The following L3MBTL4 variants were observed in gnomAD, a reference collection of about 807,000 sequenced individuals.
The protein encoded by L3MBTL4 is lethal(3)malignant brain tumor-like protein 4.
Under a neutral mutation model 84.5 loss-of-function variants are expected in L3MBTL4, and 70 were observed. The observed-to-expected ratio is 0.83, with a 90% CI of 0.68 to 1.01. The LOEUF is 1.01. Among genes scored for constraint, L3MBTL4 ranks in the 50% least tolerant of loss-of-function variants. The probability of loss-of-function intolerance (pLI) is 0.00; values close to 1 mark genes in which losing one functional copy is unlikely to be tolerated. For missense variants in L3MBTL4, 715 were observed against 754.8 expected (o/e 0.95, Z 0.62); for synonymous variants, 274 against 259.8 (o/e 1.05, Z -0.52).
chr18:6,188,992 T>A (rs1016307409), intron 12 of L3MBTL4, among the ~76,000 whole-genome samples: 2 of 152,188 alleles, frequency 1.3e-5, no homozygotes, highest in Non-Finnish European at 2.9e-5. Context: ...TACCACAAAC[T>A]TGGTGTCTTC....
At chr18:6,099,950 T>C (rs1179451033) in intron 14 of L3MBTL4, among the ~76,000 whole-genome samples, 1 of 152,148 alleles carries the variant, frequency 6.6e-6, no homozygotes, top group African/African-American at 2.4e-5. Flanking sequence ...ACACAGCTTG[T>C]GAAATCCTGG....
chr18:6,389,406 A>T, intron 1 of L3MBTL4, among the ~76,000 whole-genome samples: 1 of 152,226 alleles, frequency 6.6e-6, no homozygotes, highest in African/African-American at 2.4e-5. Context: ...CAAAGTAGCT[A>T]TGTAATAATT....
chr18:6,141,959 G>A (rs1027112405), intron 13 of L3MBTL4, among the ~76,000 whole-genome samples: 1 of 152,110 alleles, frequency 6.6e-6, no homozygotes, highest in African/African-American at 2.4e-5. Flanking sequence ...CATCCATGCT[G>A]GCCTTCTCCT....
intron 1 of L3MBTL4, among the ~76,000 whole-genome samples, chr18:6,337,531 A>G (rs192285067): frequency 2.0e-5 from 3 of 152,240 alleles, no homozygotes; most frequent in Admixed American, 2.0e-4. Context: ...CTATTTATAT[A>G]AAGTTCAATA....
chr18:6,192,021 A>C (rs1373259108), intron 12 of L3MBTL4, among the ~76,000 whole-genome samples: 1 of 151,728 alleles, frequency 6.6e-6, no homozygotes, highest in African/African-American at 2.4e-5. Flanking sequence ...AAAAAAAGAA[A>C]GAAAGAAAGA....
chr18:5,968,697 T>TAAATAAAATAAAATAAAATAAAATA (rs34548706), intron 17 of L3MBTL4, among the ~76,000 whole-genome samples: 3 of 142,068 alleles, frequency 2.1e-5, no homozygotes, highest in Non-Finnish European at 3.1e-5. Flanking sequence ...ACCTTGTCTC[T>TAAATAAAATAAAATAAAATAAAATA]AAATAAAATA....
At chr18:6,187,023 C>T (rs1288494902) in intron 12 of L3MBTL4, among the ~76,000 whole-genome samples, 4 of 152,166 alleles carry the variant, frequency 2.6e-5, no homozygotes, top group Non-Finnish European at 5.9e-5. Context: ...GGTGGAGGGA[C>T]AGGACGATGC....
chr18:6,006,622 T>A (rs1202859112), intron 16 of L3MBTL4, among the ~76,000 whole-genome samples: 2 of 152,164 alleles, frequency 1.3e-5, no homozygotes, highest in Non-Finnish European at 2.9e-5. Context: ...GGCCAGATGT[T>A]TTATAGGCTC....
At chr18:6,311,686 G>A in intron 2 of L3MBTL4, 30 bp from the exon 3 acceptor site, 1 of 1,318,968 alleles carries the variant, frequency 7.6e-7, no homozygotes, top group Admixed American at 1.7e-5. Flanking sequence ...AAGAAGTTGG[G>A]GATGGGGGTG....
At chr18:6,199,963 G>A (rs1183777260) in intron 12 of L3MBTL4, among the ~76,000 whole-genome samples, 1 of 152,212 alleles carries the variant, frequency 6.6e-6, no homozygotes, top group Non-Finnish European at 1.5e-5. Flanking sequence ...CTGTCAGGCA[G>A]GACAGGCAGG....
At chr18:6,337,836 T>A (rs1202236539) in intron 1 of L3MBTL4, among the ~76,000 whole-genome samples, 1 of 152,012 alleles carries the variant, frequency 6.6e-6, no homozygotes, top group East Asian at 1.9e-4. Context: ...AATCTAACCA[T>A]ATGCTAATAA....
chr18:6,113,576 C>T (rs1215531058), intron 14 of L3MBTL4, among the ~76,000 whole-genome samples: 1 of 151,968 alleles, frequency 6.6e-6, no homozygotes. Context: ...GACAGTGGCT[C>T]CTGTAGGCTC....
In L3MBTL4 at chr18:6,080,964, C is replaced by G. The variant is rs559955774; in HGVS notation, c.1374-13G>C. The G allele has an allele frequency of 1.3e-5, 20 of 1,585,126 alleles. No individual in the cohort carries two copies. The highest frequency in any genetic ancestry group is 8.7e-5 in the Admixed American group (5 of 57,596). ...CTGCTGTACAAGTCTGGGCAAAGAACAGAAATAAAATCTAGATTCATTATC... is the reference window on the plus strand; with the variant it reads ...CTGCTGTACAAGTCTGGGCAAAGAAGAGAAATAAAATCTAGATTCATTATC... On this transcript the variant is annotated splice_polypyrimidine_tract_variant and intron_variant, in intron 15 of 18. Coordinates refer to ENST00000317931, the MANE Select transcript of L3MBTL4 (RefSeq NM_001330559.2).
At chr18:6,318,363 C>T (rs1264909523) in intron 1 of L3MBTL4, among the ~76,000 whole-genome samples, 1 of 151,460 alleles carries the variant, frequency 6.6e-6, no homozygotes, top group African/African-American at 2.4e-5. Flanking sequence ...TAGAAACCCA[C>T]TTAATATGTA....
At chr18:6,366,652 G>C (rs2053947443) in intron 1 of L3MBTL4, among the ~76,000 whole-genome samples, 1 of 152,106 alleles carries the variant, frequency 6.6e-6, no homozygotes, top group Admixed American at 6.5e-5. Flanking sequence ...ACTTTAAATA[G>C]GTGTCTAATT....
chr18:6,370,732 A>G (rs1453789241), intron 1 of L3MBTL4, among the ~76,000 whole-genome samples: 1 of 152,212 alleles, frequency 6.6e-6, no homozygotes, highest in Non-Finnish European at 1.5e-5. Context: ...AGCTGCTCTG[A>G]TAAACCCACA....
chr18:6,282,431 G>A (rs1433521220), intron 4 of L3MBTL4, among the ~76,000 whole-genome samples: 1 of 152,104 alleles, frequency 6.6e-6, no homozygotes, highest in Non-Finnish European at 1.5e-5. Context: ...CCTATAATTA[G>A]GCAAAGGAAG....
At chr18:6,247,433 T>G (rs1486342108) in intron 5 of L3MBTL4, among the ~76,000 whole-genome samples, 2 of 150,764 alleles carry the variant, frequency 1.3e-5, no homozygotes, top group Non-Finnish European at 2.9e-5. Context: ...AGCACTGACA[T>G]GTTTTTAAGA....
intron 3 of L3MBTL4, among the ~76,000 whole-genome samples, chr18:6,305,649 G>A (rs1180458320): frequency 6.6e-6 from 1 of 152,138 alleles, no homozygotes; most frequent in Non-Finnish European, 1.5e-5. Context: ...AAAACAGGGA[G>A]ATAATGGTTT....
Sources: allele counts gnomAD v4.1 joint callset (sites outside exome capture counted in the v4.1 genomes callset), GRCh38; gene constraint gnomAD v4.1.1; transcripts MANE v1.5; gene names NCBI Gene and HGNC (gene_info 2026-07-23, HGNC 2026-07-21).